Variants in LGALS8 observed in about 807,000 individuals in gnomAD.
LGALS8 encodes galectin 8.
LGALS8 carries 30 observed loss-of-function variants against 35.9 expected under a neutral mutation model. That is an observed-to-expected ratio of 0.83 (90% CI 0.62 to 1.13). The LOEUF (loss-of-function observed/expected upper bound fraction) is 1.13. Ranked by LOEUF, LGALS8 falls within the 50% of genes most tolerant of loss-of-function variation. The probability of loss-of-function intolerance (pLI) is 0.00; values close to 1 mark genes in which losing one functional copy is unlikely to be tolerated. For synonymous variants in LGALS8, 138 were observed against 136.1 expected (o/e 1.01, Z -0.10); for missense variants, 366 against 388.7 (o/e 0.94, Z 0.49).
At chr1:236,521,064 GT>G, upstream of LGALS8, among the ~76,000 whole-genome samples, 1 of 152,308 alleles carries the variant, frequency 6.6e-6, no homozygotes, top group East Asian at 1.9e-4. Flanking sequence ...ATCACTGTAT[GT>G]GTCCTCAACT....
chr1:236,527,656 T>C (rs1169353240), intron 2 of LGALS8, among the ~76,000 whole-genome samples: 1 of 151,936 alleles, frequency 6.6e-6, no homozygotes, highest in Admixed American at 6.6e-5. Context: ...ACTGAATTTC[T>C]CTCATTTGTA....
At chr1:236,521,914 A>G (rs765445819), upstream of LGALS8, among the ~76,000 whole-genome samples, 2 of 152,002 alleles carry the variant, frequency 1.3e-5, no homozygotes, top group Non-Finnish European at 2.9e-5. Flanking sequence ...TGTTGTGTTG[A>G]GACTACATTG....
At position 236,543,616 on chromosome 1, in the gene LGALS8, C is replaced by T. The variant is rs751672564; in HGVS notation, c.606C>T (p.Val202=). The change falls in exon 8 of 10, where the codon GTC becomes GTT. Residue 202 remains valine (V), a synonymous_variant. Coordinates refer to ENST00000366584, the MANE Select transcript of LGALS8 (RefSeq NM_201544.4). ...NTPMGPGRTV[V]VKGEVNANAK... ...CCATGGGCCCTGGACGAACTGTCGT[C>T]GTTAAAGGAGAAGTGAATGCAAATG... 1.5e-5 allele frequency: 25 copies of T among 1,613,858 alleles called. No homozygotes were observed. The East Asian group carries it at 1.8e-4, about 12-fold the overall frequency.
chr1:236,552,383 TA>T lies in LGALS8; in HGVS notation c.*4230del. The T allele has an allele frequency of 9.6e-6, 2 of 208,268 alleles. No homozygotes were observed. Among genetic ancestry groups the T allele is most frequent in the East Asian group, 1.0e-4 (1 of 9,636 alleles). The allele number at this position is 208,268 out of a possible 1,614,324, so 12.9% of individuals were successfully genotyped here. A position where few individuals can be genotyped will look rare whatever the true frequency, so the allele number is the denominator to read the frequency against. On this transcript the variant is annotated 3_prime_UTR_variant, in exon 10 of 10. Coordinates refer to ENST00000366584, the MANE Select transcript of LGALS8 (RefSeq NM_201544.4). ...AATGTCTTTTTATAATCTCTTCCTT[TA>T]AAAAAAACCAATAAAATAAAATGCC...
chr1:236,519,496 C>T (rs1375654326), upstream of LGALS8, among the ~76,000 whole-genome samples: 4 of 152,124 alleles, frequency 2.6e-5, no homozygotes, highest in African/African-American at 4.8e-5. Flanking sequence ...GAAATTGATC[C>T]TACCAGAAGT....
At chr1:236,530,173 A>G (rs549064977) in intron 2 of LGALS8, among the ~76,000 whole-genome samples, 14 of 152,382 alleles carry the variant, frequency 9.2e-5, no homozygotes, top group Non-Finnish European at 1.6e-4. Flanking sequence ...CTCCAAGTTA[A>G]TAAGTTGCTT....
chr1:236,538,962 C>T lies in LGALS8; in HGVS notation c.218C>T (p.Ala73Val), dbSNP rs776996526. 54 of 1,614,084 alleles carry T rather than the reference C, an allele frequency of 3.3e-5. 1 individual carries two copies. In the Admixed American group the frequency reaches 7.2e-4, roughly 21 times the overall value. Residue 73 changes from alanine (A) to valine (V), a missense_variant, in exon 4 of 10, where the codon GCC becomes GTC. By Grantham distance (64) the Ala-to-Val change is moderately conservative. Transcript: ENST00000366584. ...AFHFNPRFKR[A>V]GCIVCNTLIN... The stretch of plus-strand genomic sequence containing the variant: ...CATTTCAATCCTCGTTTCAAAAGGG[C>T]CGGCTGCATTGTTTGCAATACTTTG...
At position 236,551,711 on chromosome 1, in the gene LGALS8, C is replaced by A; in HGVS notation, c.*3550C>A. On this transcript the variant is annotated 3_prime_UTR_variant, in exon 10 of 10. Coordinates refer to ENST00000366584, the MANE Select transcript of LGALS8 (RefSeq NM_201544.4). ...GGTTAATTAAAAACACTACTGTAAT[C>A]TGCTTGTATGATCACAAACCACCAC... 1 of 303,054 alleles carries A rather than the reference C, an allele frequency of 3.3e-6. No homozygotes were observed. The highest frequency in any genetic ancestry group is 6.1e-6 in the Non-Finnish European group (1 of 163,434). 18.8% of individuals were successfully genotyped at this position (303,054 alleles called of 1,614,324 possible).
chr1:236,535,669 A>T, intron 2 of LGALS8, among the ~76,000 whole-genome samples: 1 of 151,944 alleles, frequency 6.6e-6, no homozygotes, highest in African/African-American at 2.4e-5. Context: ...AAAATCAGAT[A>T]CTCTGATGTG....
In LGALS8 at chr1:236,535,654, C is replaced by T. The variant is rs1661442514; in HGVS notation, c.46-1843C>T. Reference sequence around the variant, plus strand: ...GATGTAGGTCCTTCCCCATTCTCTACACACAAAATCAGATACTCTGATGTG... The same window carrying T: ...GATGTAGGTCCTTCCCCATTCTCTATACACAAAATCAGATACTCTGATGTG... On this transcript the variant is annotated intron_variant, in intron 2 of 9. Transcript: ENST00000366584. Among the ~76,000 whole-genome samples, 6 of 152,362 alleles carry T rather than the reference C, an allele frequency of 3.9e-5. No homozygotes were observed. In the South Asian group the frequency reaches 1.0e-3, roughly 26 times the overall value.
At chr1:236,546,557 C>G (rs530066534) in intron 9 of LGALS8, among the ~76,000 whole-genome samples, 1 of 149,732 alleles carries the variant, frequency 6.7e-6, no homozygotes, top group African/African-American at 2.5e-5. Context: ...TCCAGCTGTT[C>G]GGCAGCATCA....
chr1:236,538,101 A>AAAAAAAAAAAAAAAAAG (rs371245157), intron 3 of LGALS8, among the ~76,000 whole-genome samples: 23,696 of 92,676 alleles, frequency 0.26, 5,775 homozygotes, highest in Non-Finnish European at 0.4. Context: ...AAAAAAAAGA[A>AAAAAAAAAAAAAAAAAG]AAAGAAAAAG....
At chr1:236,543,154 TG>T (rs1481985138) in intron 7 of LGALS8, 19 of 965,896 alleles carry the variant, frequency 2.0e-5, no homozygotes, top group Non-Finnish European at 2.8e-5. Context: ...TGCATTTGTG[TG>T]CCGTCCCTGG....
intron 2 of LGALS8, among the ~76,000 whole-genome samples, chr1:236,532,530 C>T (rs1399016555): frequency 2.6e-5 from 4 of 152,112 alleles, no homozygotes; most frequent in East Asian, 3.9e-4. Context: ...AAACTAAACT[C>T]GTCATCTTCC....
chr1:236,543,647 A>G lies in LGALS8; in HGVS notation c.637A>G (p.Ser213Gly), dbSNP rs1188998288. The change falls in exon 8 of 10, where the codon AGC becomes GGC. Residue 213 changes from serine (S) to glycine (G), a missense_variant and splice_region_variant. By Grantham distance (56) the Ser-to-Gly change is moderately conservative (BLOSUM62 0). Transcript: ENST00000366584. ...AGGAGAAGTGAATGCAAATGCCAAAAGGTCAGTATCCTTCGGTACCAGTCA... is the reference window on the plus strand; with the variant it reads ...AGGAGAAGTGAATGCAAATGCCAAAGGGTCAGTATCCTTCGGTACCAGTCA... ...VKGEVNANAK[S>G]FNVDLLAGKS... 1 of 1,611,096 alleles carries G rather than the reference A, an allele frequency of 6.2e-7. No homozygotes were observed. The highest frequency in any genetic ancestry group is 1.3e-5 in the African/African-American group (1 of 74,952).
At chr1:236,541,767 T>C (rs1662013530) in intron 6 of LGALS8, 57 bp downstream of exon 6, 5 of 893,528 alleles carry the variant, frequency 5.6e-6, no homozygotes, top group Non-Finnish European at 8.5e-6. Context: ...TTAGCTGCCA[T>C]GTTAATGAAA....
chr1:236,540,319 T>C (rs1330963496), intron 4 of LGALS8: 3 of 436,588 alleles, frequency 6.9e-6, no homozygotes, highest in Non-Finnish European at 4.0e-6. Context: ...CATATACTTA[T>C]GACTGCCTGT....
At chr1:236,537,227 G>T in intron 2 of LGALS8, among the ~76,000 whole-genome samples, 1 of 151,862 alleles carries the variant, frequency 6.6e-6, no homozygotes, top group African/African-American at 2.4e-5. Flanking sequence ...GTGTTAGCCA[G>T]GATGGTCTCG....
Position 236,548,829 on chromosome 1 carries a change from T to C in LGALS8, c.*668T>C, listed in dbSNP as rs896360114. 1.0e-5 allele frequency: 4 copies of C among 397,672 alleles called. No homozygotes were observed. Among genetic ancestry groups the C allele is most frequent in the African/African-American group, 4.1e-5 (2 of 48,606 alleles). The allele number at this position is 397,672 out of a possible 1,614,324, so 24.6% of individuals were successfully genotyped here. A position where few individuals can be genotyped will look rare whatever the true frequency, so the allele number is the denominator to read the frequency against. On this transcript the variant is annotated 3_prime_UTR_variant, in exon 10 of 10. Transcript: ENST00000366584. ...ATTAGCTGCAAGCTTTACCAAGTAA[T>C]TGGCATGACATCTGAGCACAGAAAT...
Sources: allele counts gnomAD v4.1 joint callset (sites outside exome capture counted in the v4.1 genomes callset), GRCh38; gene constraint gnomAD v4.1.1; transcripts MANE v1.5; gene names NCBI Gene and HGNC (gene_info 2026-07-23, HGNC 2026-07-21).